The following TENM2 variants were observed in gnomAD, a reference collection of about 807,000 sequenced individuals.
TENM2 encodes teneurin transmembrane protein 2.
Under a neutral mutation model 245.2 loss-of-function variants are expected in TENM2, and 52 were observed. That is an observed-to-expected ratio of 0.21 (90% confidence interval 0.17 to 0.27). The LOEUF is 0.27. Ranked by LOEUF, TENM2 falls within the 10% of genes least tolerant of loss-of-function variation. The pLI is 1.00. For missense variants in TENM2, 3,046 were observed against 3,666.8 expected (o/e 0.83, Z 4.37); for synonymous variants, 1,363 against 1,438.9 (o/e 0.95, Z 1.19).
At chr5:168,018,262 A>G (rs1410945779) in intron 5 of TENM2, among the ~76,000 whole-genome samples, 1 of 151,994 alleles carries the variant, frequency 6.6e-6, no homozygotes, top group African/African-American at 2.4e-5. Context: ...GAATTTATCC[A>G]GCTTACATAA....
the TENM2 span, among the ~76,000 whole-genome samples, chr5:167,266,184 A>G: frequency 6.6e-6 from 1 of 152,200 alleles, no homozygotes; most frequent in African/African-American, 2.4e-5. Context: ...GCGAATTGTC[A>G]CTAATCATCT....
the TENM2 span, among the ~76,000 whole-genome samples, chr5:167,127,463 C>T: frequency 6.6e-6 from 1 of 152,078 alleles, no homozygotes; most frequent in Non-Finnish European, 1.5e-5. Flanking sequence ...GCAAGAGTGA[C>T]TTGATGCATT....
At chr5:167,360,103 A>C (rs1759612929) in intron 1 of TENM2, among the ~76,000 whole-genome samples, 1 of 152,208 alleles carries the variant, frequency 6.6e-6, no homozygotes, top group Non-Finnish European at 1.5e-5. Context: ...AGAAATCTGT[A>C]CAACAAACCC....
At chr5:168,254,444 G>A (rs1421272509) in intron 27 of TENM2, among the ~76,000 whole-genome samples, 1 of 150,684 alleles carries the variant, frequency 6.6e-6, no homozygotes, top group African/African-American at 2.4e-5. Flanking sequence ...AAAGGGGAGG[G>A]AGAGGAAGAG....
chr5:167,052,124 A>G, the TENM2 span, among the ~76,000 whole-genome samples: 1 of 152,142 alleles, frequency 6.6e-6, no homozygotes, highest in Non-Finnish European at 1.5e-5. Flanking sequence ...TTTGCTTTTT[A>G]ACTCAATCTT....
intron 2 of TENM2, among the ~76,000 whole-genome samples, chr5:167,799,328 A>G (rs1370974054): frequency 1.3e-5 from 2 of 152,206 alleles, no homozygotes; most frequent in African/African-American, 4.8e-5. Flanking sequence ...AACTCTCTTT[A>G]GTCCTTCAGA....
chr5:167,993,294 T>C, intron 5 of TENM2, 112 bp downstream of exon 7: 1 of 789,068 alleles, frequency 1.3e-6, no homozygotes, highest in South Asian at 1.8e-5. Context: ...GCTTCTTTGC[T>C]CCTGAAAGAT....
chr5:167,826,336 G>A (rs1393231486), intron 2 of TENM2, among the ~76,000 whole-genome samples: 1 of 152,126 alleles, frequency 6.6e-6, no homozygotes, highest in South Asian at 2.1e-4. Context: ...TATTTCTTCC[G>A]ATTGGCCAGA....
the TENM2 span, among the ~76,000 whole-genome samples, chr5:167,255,338 T>C: frequency 6.6e-6 from 1 of 152,128 alleles, no homozygotes; most frequent in Non-Finnish European, 1.5e-5. Context: ...ATGACTGTAA[T>C]GAAGACTTTT....
chr5:167,041,643 T>A, the TENM2 span, among the ~76,000 whole-genome samples: 33 of 152,338 alleles, frequency 2.2e-4, no homozygotes, highest in Admixed American at 1.5e-3. Context: ...CATTTTAATT[T>A]CAGCACATGC....
At chr5:168,021,367 T>C (rs1246471158) in intron 5 of TENM2, among the ~76,000 whole-genome samples, 1 of 152,218 alleles carries the variant, frequency 6.6e-6, no homozygotes, top group Non-Finnish European at 1.5e-5. Flanking sequence ...TTAAAACTGA[T>C]TGGGTTGCAC....
At chr5:167,293,240 T>C (rs1038954892) in intron 1 of TENM2, among the ~76,000 whole-genome samples, 7 of 152,148 alleles carry the variant, frequency 4.6e-5, no homozygotes, top group Non-Finnish European at 8.8e-5. Context: ...TCACTCTTGT[T>C]GCCCAGGCTG....
chr5:168,023,369 G>T (rs751838218), intron 5 of TENM2, among the ~76,000 whole-genome samples: 1 of 152,198 alleles, frequency 6.6e-6, no homozygotes, highest in Non-Finnish European at 1.5e-5. Context: ...AGCAAAGCCC[G>T]AGTGTGATGG....
chr5:167,934,217 A>G (rs1778516582), intron 3 of TENM2, among the ~76,000 whole-genome samples: 1 of 152,234 alleles, frequency 6.6e-6, no homozygotes, highest in Non-Finnish European at 1.5e-5. Context: ...ATAATATTAC[A>G]TCAGATCCTA....
At position 168,247,152 on chromosome 5, in the gene TENM2, G is replaced by C. The variant is rs1441696206; in HGVS notation, c.6213G>C (p.Leu2071=). 1.9e-6 allele frequency: 3 copies of C among 1,613,890 alleles called. No homozygotes were observed. Among genetic ancestry groups the C allele is most frequent in the African/African-American group, 2.7e-5 (2 of 74,994 alleles). Residue 2071 remains leucine, a synonymous_variant, in exon 27 of 29, where the codon CTG becomes CTC. Coordinates refer to ENST00000518659, the Ensembl canonical transcript of TENM2. The surrounding 1 kb of genome is among the most constrained non-coding windows in gnomAD (Gnocchi z 7.8). Reference sequence around the variant, plus strand: ...TCAGGTACCGGAAGATTGGCCCCCTGGTGGACAAGCAGATCTACAGGTTCT... The same window carrying C: ...TCAGGTACCGGAAGATTGGCCCCCTCGTGGACAAGCAGATCTACAGGTTCT...
chr5:168,109,805 C>T (rs1056206836), intron 9 of TENM2, among the ~76,000 whole-genome samples: 1 of 152,194 alleles, frequency 6.6e-6, no homozygotes, highest in African/African-American at 2.4e-5. Context: ...CACTTTTGAC[C>T]TCTCATCCCC....
chr5:168,048,104 C>T (rs894319240), intron 6 of TENM2, among the ~76,000 whole-genome samples: 10 of 152,102 alleles, frequency 6.6e-5, no homozygotes, highest in Non-Finnish European at 8.8e-5. Context: ...CAAAGCTTCT[C>T]TTCTCAGAAC....
chr5:167,499,941 GGTGT>G (rs775336382), intron 2 of TENM2, among the ~76,000 whole-genome samples: 6 of 116,922 alleles, frequency 5.1e-5, no homozygotes, highest in South Asian at 2.8e-4. Context: ...TGTATGTGAG[GGTGT>G]GTGTGTGTAT....
intron 1 of TENM2, among the ~76,000 whole-genome samples, chr5:167,361,532 ACTC>A (rs1759717916): frequency 6.6e-6 from 1 of 152,142 alleles, no homozygotes; most frequent in African/African-American, 2.4e-5. Flanking sequence ...ATAATTCTCT[ACTC>A]CTAAAATTGC....
Sources: allele counts gnomAD v4.1 joint callset (sites outside exome capture counted in the v4.1 genomes callset), GRCh38; gene constraint gnomAD v4.1.1; non-coding constraint Gnocchi (gnomAD v3.1); transcripts MANE v1.5; gene names NCBI Gene and HGNC (gene_info 2026-07-23, HGNC 2026-07-21).